Variants in CCDC68 observed in about 807,000 individuals in gnomAD.
CCDC68 encodes coiled-coil domain-containing protein 68.
CCDC68 carries 45 observed loss-of-function variants against 47.1 expected under a neutral mutation model. That is an observed-to-expected ratio of 0.96 (90% CI 0.75 to 1.23). The LOEUF (loss-of-function observed/expected upper bound fraction) is 1.23, where lower values mean the gene tolerates loss of function less well. Among genes scored for constraint, CCDC68 ranks in the 50% most tolerant of loss-of-function variants. CCDC68 has a pLI of 0.00. For missense variants in CCDC68, 353 were observed against 373.6 expected (o/e 0.94, Z 0.45); for synonymous variants, 131 against 129.5 (o/e 1.01, Z -0.08).
chr18:54,925,984 T>A (rs532656476), intron 8 of CCDC68, among the ~76,000 whole-genome samples: 1 of 152,316 alleles, frequency 6.6e-6, no homozygotes, highest in Non-Finnish European at 1.5e-5. Context: ...TCATTGGTGG[T>A]ACCAAAGGGG....
In CCDC68 at chr18:54,928,902, A is replaced by G; in HGVS notation, c.601-20T>C. On this transcript the variant is annotated intron_variant, in intron 7 of 11. Coordinates refer to ENST00000591504, the MANE Select transcript of CCDC68 (RefSeq NM_025214.3). ...CTTTTCCTAGGAGAAAATAAGATAC[A>G]AATTTTGCTAAACTGCATGTGTATG... The G allele has an allele frequency of 6.7e-7, 1 of 1,481,968 alleles. No homozygotes were observed. Among genetic ancestry groups the G allele is most frequent in the African/African-American group, 1.4e-5 (1 of 72,210 alleles). The allele number at this position is 1,481,968 out of a possible 1,614,324, so 91.8% of individuals were successfully genotyped here.
chr18:54,914,926 G>C (rs2043919679), intron 10 of CCDC68, among the ~76,000 whole-genome samples: 1 of 152,172 alleles, frequency 6.6e-6, no homozygotes, highest in Non-Finnish European at 1.5e-5. Flanking sequence ...TAAGTTGTCA[G>C]TTTATTTAGG....
chr18:54,936,912 G>T lies in CCDC68; in HGVS notation c.392C>A (p.Ala131Asp), dbSNP rs1365411533. Residue 131 changes from alanine (A) to aspartate (D), a missense_variant, in exon 6 of 12, where the codon GCC becomes GAC. Transcript: ENST00000591504. The stretch of plus-strand genomic sequence containing the variant: ...TTGGTAGTTTTCAAATAATCTCTGG[G>T]CCACGTTTCTCAGAGCTGCTGCTCC... ...EAGAAALRNV[A>D]QRLFENYQTQ... The T allele has an allele frequency of 6.2e-7, 1 of 1,613,944 alleles. No individual in the cohort carries two copies. The highest frequency in any genetic ancestry group is 1.1e-5 in the South Asian group (1 of 91,072).
chr18:54,904,109 C>G lies in CCDC68; in HGVS notation c.*249G>C. 3.1e-6 allele frequency: 1 copy of G among 318,366 alleles called. No individual in the cohort carries two copies. The highest frequency in any genetic ancestry group is 5.7e-6 in the Non-Finnish European group (1 of 175,676). 19.7% of individuals were successfully genotyped at this position (318,366 alleles called of 1,614,324 possible). A position where few individuals can be genotyped will look rare whatever the true frequency, so the allele number is the denominator to read the frequency against. On this transcript the variant is annotated 3_prime_UTR_variant, in exon 12 of 12. Transcript: ENST00000591504. The stretch of plus-strand genomic sequence containing the variant: ...ATTTTTTTTTTTTTTTAATTTAAAG[C>G]AGAATCTGTCTTCCATCATGAGAAG...
intron 1 of CCDC68, among the ~76,000 whole-genome samples, chr18:54,952,342 C>T (rs192032009): frequency 2.9e-4 from 44 of 152,130 alleles, no homozygotes; most frequent in African/African-American, 1.0e-3. Flanking sequence ...AGTGAAGAGC[C>T]CAGGAATTTA....
At position 54,919,342 on chromosome 18, in the gene CCDC68, G is replaced by A. The variant is rs149563439; in HGVS notation, c.718C>T (p.Gln240Ter). Residue 240 changes from glutamine (Q) to a stop codon, truncating the protein, a stop_gained, in exon 9 of 12, where the codon CAG becomes TAG. Coordinates refer to ENST00000591504, the MANE Select transcript of CCDC68 (RefSeq NM_025214.3). LOFTEE classifies it high-confidence loss of function. Reference protein sequence around the residue: ...QDLQREISILQEQISHLQFVI... With the variant: ...QDLQREISIL ...AACTGCAGATGAGAGATCTGCTCCT[G>A]GAGAATGGAAATCTCCCTCTGAAGA... 6.2e-7 allele frequency: 1 copy of A among 1,613,778 alleles called. No homozygotes were observed. Among genetic ancestry groups the A allele is most frequent in the African/African-American group, 1.3e-5 (1 of 74,898 alleles).
chr18:54,938,133 T>A, intron 4 of CCDC68, 36 bp from the exon 5 acceptor site: 3 of 1,580,368 alleles, frequency 1.9e-6, no homozygotes, highest in South Asian at 1.2e-5. Context: ...GACCTGACTA[T>A]CTTTTCCTCT....
intron 1 of CCDC68, among the ~76,000 whole-genome samples, chr18:54,956,281 C>A (rs1217542554): frequency 6.6e-6 from 1 of 152,200 alleles, no homozygotes; most frequent in Non-Finnish European, 1.5e-5. Context: ...AGCCACTGTG[C>A]CCAGCCAAGG....
chr18:54,919,202 G>T, intron 9 of CCDC68, 69 bp downstream of exon 9: 1 of 1,200,988 alleles, frequency 8.3e-7, no homozygotes. Flanking sequence ...GTCCAGTCAA[G>T]CCACTCGTAT....
intron 1 of CCDC68, among the ~76,000 whole-genome samples, chr18:54,946,096 A>G (rs1411835948): frequency 2.6e-5 from 4 of 152,248 alleles, no homozygotes; most frequent in Non-Finnish European, 5.9e-5. Context: ...CAAATTTAGT[A>G]TTCATAAAAA....
At chr18:54,923,038 A>G (rs1041441714) in intron 8 of CCDC68, among the ~76,000 whole-genome samples, 11 of 151,808 alleles carry the variant, frequency 7.2e-5, no homozygotes, top group African/African-American at 2.7e-4. Context: ...GGGCAAACAG[A>G]AATTGGGTCC....
At chr18:54,943,564 C>A (rs1222738656) in intron 2 of CCDC68, among the ~76,000 whole-genome samples, 1 of 152,080 alleles carries the variant, frequency 6.6e-6, no homozygotes, top group Admixed American at 6.5e-5. Flanking sequence ...ATATCAAGTT[C>A]TATAACCATA....
Position 54,936,837 on chromosome 18 carries a change from A to T in CCDC68, c.467T>A (p.Leu156His). ...RKKQEDSKQL[L>H]QVNKLEKEQK... ...GACAAGCTGCATGTTTGGTACCTGG[A>T]GTAATTGTTTACTGTCCTCCTGCTT... Residue 156 changes from leucine (L) to histidine (H), a missense_variant, in exon 6 of 12, where the codon CTC becomes CAC. Coordinates refer to ENST00000591504, the MANE Select transcript of CCDC68 (RefSeq NM_025214.3). The T allele has an allele frequency of 6.2e-7, 1 of 1,614,084 alleles. No homozygotes were observed. The highest frequency in any genetic ancestry group is 8.5e-7 in the Non-Finnish European group (1 of 1,179,974).
At chr18:54,918,041 G>A in intron 9 of CCDC68, 45 bp from the exon 10 acceptor site, 1 of 783,516 alleles carries the variant, frequency 1.3e-6, no homozygotes, top group South Asian at 1.6e-5. Context: ...TCAGACCACA[G>A]GAAATAGTTA....
At chr18:54,956,925 T>C (rs932761824) in intron 1 of CCDC68, among the ~76,000 whole-genome samples, 1 of 152,038 alleles carries the variant, frequency 6.6e-6, no homozygotes, top group Non-Finnish European at 1.5e-5. Context: ...ATAAAGCTTT[T>C]TTAAAAAAAA....
intron 10 of CCDC68, among the ~76,000 whole-genome samples, chr18:54,913,241 C>T (rs561509334): frequency 1.5e-4 from 23 of 152,242 alleles, no homozygotes; most frequent in African/African-American, 4.6e-4. Flanking sequence ...AAACAAAATA[C>T]GTAGCATGAC....
At chr18:54,959,050 CTAAA>C (rs1468992116) in intron 1 of CCDC68, 5 of 152,194 alleles carry the variant, frequency 3.3e-5, no homozygotes, top group Admixed American at 3.3e-4. Flanking sequence ...TAACAACAAC[CTAAA>C]TAAATAATCA....
intron 8 of CCDC68, among the ~76,000 whole-genome samples, chr18:54,922,425 C>G (rs1284350262): frequency 6.6e-6 from 1 of 152,024 alleles, no homozygotes; most frequent in Admixed American, 6.6e-5. Context: ...GTGCGAGAGG[C>G]AGGACTGAGA....
rs1265072774 is a variant in CCDC68 at position 54,941,005 on chromosome 18, C to A, written c.196G>T (p.Asp66Tyr). 9 of 1,603,774 alleles carry A rather than the reference C, an allele frequency of 5.6e-6. No individual in the cohort carries two copies. The highest frequency in any genetic ancestry group is 6.8e-6 in the Non-Finnish European group (8 of 1,171,360). ...IRHDSTNHKL[D>Y]AKHCGNLQQG... ...CTGCAGGAAATTATTACCTTTGCAT[C>A]TAGTTTGTGATTTGTACTGTCATGT... is the stretch of plus-strand genomic sequence containing the variant. Residue 66 changes from aspartate (D) to tyrosine (Y), a missense_variant, in exon 4 of 12, where the codon GAT becomes TAT. Transcript: ENST00000591504.
Sources: allele counts gnomAD v4.1 joint callset (sites outside exome capture counted in the v4.1 genomes callset), GRCh38; gene constraint gnomAD v4.1.1; transcripts MANE v1.5; gene names NCBI Gene and HGNC (gene_info 2026-07-23, HGNC 2026-07-21).